The following ZNF544 variants were observed in gnomAD, a reference collection of about 807,000 sequenced individuals.
The protein encoded by ZNF544 is zinc finger protein AF020591.
Under a neutral mutation model 13.5 loss-of-function variants are expected in ZNF544, and 10 were observed. The observed-to-expected ratio is 0.74, with a 90% CI of 0.46 to 1.25. The LOEUF (loss-of-function observed/expected upper bound fraction) is 1.25. Ranked by LOEUF, ZNF544 falls within the 50% of genes most tolerant of loss-of-function variation. ZNF544 has a pLI of 0.00. For synonymous variants in ZNF544, 323 were observed against 300.5 expected (o/e 1.07, Z -0.77); for missense variants, 896 against 845.6 (o/e 1.06, Z -0.74).
Position 58,260,919 on chromosome 19 carries a change from C to T in ZNF544, c.313C>T (p.His105Tyr). ...EKDRAREELS[H>Y]HVEVYRSGPE... ...AGATCGAGCTAGGGAAGAACTATCCCACCACGTGGAAGTGTACAGGAGTGG... is the reference window on the plus strand; with the variant it reads ...AGATCGAGCTAGGGAAGAACTATCCTACCACGTGGAAGTGTACAGGAGTGG... The change falls in exon 7 of 7, where the codon CAC becomes TAC. Residue 105 changes from histidine (H) to tyrosine (Y), a missense_variant. Transcript: ENST00000687789. 1 of 1,613,986 alleles carries T rather than the reference C, an allele frequency of 6.2e-7. No individual in the cohort carries two copies. The highest frequency in any genetic ancestry group is 8.5e-7 in the Non-Finnish European group (1 of 1,179,988).
At chr19:58,252,408 A>G (rs981827118) in intron 6 of ZNF544, among the ~76,000 whole-genome samples, 12 of 152,178 alleles carry the variant, frequency 7.9e-5, no homozygotes, top group Non-Finnish European at 1.5e-4. Context: ...AGAATTTACC[A>G]TACAGGATCC....
chr19:58,269,925 CAG>C (rs200962561), intron 5 of ZNF544, among the ~76,000 whole-genome samples: 1,974 of 152,134 alleles, frequency 0.013, 22 homozygotes, highest in South Asian at 0.018. Context: ...TGTCTCAAAA[CAG>C]AGCAAATGGC....
At chr19:58,250,970 G>A (rs568265315) in intron 6 of ZNF544, among the ~76,000 whole-genome samples, 1 of 152,302 alleles carries the variant, frequency 6.6e-6, no homozygotes, top group South Asian at 2.1e-4. Context: ...GTGAAGCTCT[G>A]TTGTAAAATA....
At chr19:58,238,000 T>C (rs1018668722) in intron 3 of ZNF544, among the ~76,000 whole-genome samples, 1 of 152,230 alleles carries the variant, frequency 6.6e-6, no homozygotes, top group African/African-American at 2.4e-5. Flanking sequence ...TGGCACGATC[T>C]CAGCTCACTG....
intron 6 of ZNF544, among the ~76,000 whole-genome samples, chr19:58,252,853 C>G (rs1372539807): frequency 6.6e-6 from 1 of 152,186 alleles, no homozygotes; most frequent in African/African-American, 2.4e-5. Context: ...CGGAGTCTTG[C>G]TCTGTCACCA....
chr19:58,273,096 G>A (rs1205164862), intron 5 of ZNF544, among the ~76,000 whole-genome samples: 3 of 150,472 alleles, frequency 2.0e-5, no homozygotes, highest in East Asian at 4.0e-4. Flanking sequence ...CAGGAGAATC[G>A]CTTGAACCCA....
chr19:58,232,346 C>CTTTTT (rs71190011), intron 3 of ZNF544, among the ~76,000 whole-genome samples: 1 of 75,230 alleles, frequency 1.3e-5, no homozygotes, highest in Non-Finnish European at 2.4e-5. Context: ...ACAATTTTAT[C>CTTTTT]TTTTTTTTTT....
Position 58,228,948 on chromosome 19 carries a change from T to G in ZNF544, c.-232+2T>G, listed in dbSNP as rs1600175358. On this transcript the variant is annotated splice_donor_variant, in intron 1 of 6. Transcript: ENST00000687789. LOFTEE classifies it low-confidence loss of function (5UTR_SPLICE). ...ACCGCCATTGGCCGGTGCGTGCAGG[T>G]GAGTCTGGCGGCCTCAAGGTTGGCT... 3 of 152,414 alleles carry G rather than the reference T, an allele frequency of 2.0e-5. No individual in the cohort carries two copies. The East Asian group carries it at 5.8e-4, about 30-fold the overall frequency. The allele number at this position is 152,414 out of a possible 1,614,324, so 9.4% of individuals were successfully genotyped here.
chr19:58,241,179 ATT>A (rs57421577), intron 3 of ZNF544, among the ~76,000 whole-genome samples: 3 of 72,764 alleles, frequency 4.1e-5, no homozygotes, highest in Admixed American at 3.5e-4. Context: ...ATATATATAT[ATT>A]TTTTTTTTTT....
intron 3 of ZNF544, 28 bp from the exon 4 acceptor site, chr19:58,243,937 C>T: frequency 6.6e-7 from 1 of 1,518,148 alleles, no homozygotes; most frequent in Non-Finnish European, 8.9e-7. Context: ...AGCCGAGGGG[C>T]TGAATCTCTG....
Position 58,246,645 on chromosome 19 carries a change from T to G in ZNF544, c.161-66T>G. 13 of 1,582,866 alleles carry G rather than the reference T, an allele frequency of 8.2e-6. No individual in the cohort carries two copies. In the Admixed American group the frequency reaches 1.4e-4, roughly 17 times the overall value. ...TCGGGACAGCACTAGGGGCTGAAGCTTGGACCCAGGACATGGTTCTTGGTG... is the reference window on the plus strand; with the variant it reads ...TCGGGACAGCACTAGGGGCTGAAGCGTGGACCCAGGACATGGTTCTTGGTG... On this transcript the variant is annotated intron_variant, in intron 5 of 6. Transcript: ENST00000687789.
At chr19:58,236,066 A>T (rs1199327026) in intron 3 of ZNF544, among the ~76,000 whole-genome samples, 1 of 149,410 alleles carries the variant, frequency 6.7e-6, no homozygotes, top group Admixed American at 6.7e-5. Context: ...GTCTCAAAAA[A>T]AAAACAAAAA....
rs1428069098 is a variant in ZNF544, at chr19:58,229,581, C to T, written c.-129+11C>T. 6.6e-6 allele frequency: 1 copy of T among 152,280 alleles called. No homozygotes were observed. The highest frequency in any genetic ancestry group is 1.5e-5 in the Non-Finnish European group (1 of 68,122). 9.4% of individuals were successfully genotyped at this position (152,280 alleles called of 1,614,324 possible). On this transcript the variant is annotated intron_variant, in intron 2 of 6. Transcript: ENST00000687789. ...CATTTTCTTCCAATGGTACGTGAAG[C>T]TTGAACCTTGCAGAGAACATGTGTA... is the stretch of plus-strand genomic sequence containing the variant.
At chr19:58,244,268 A>C (rs2044571840) in intron 4 of ZNF544, among the ~76,000 whole-genome samples, 1 of 151,880 alleles carries the variant, frequency 6.6e-6, no homozygotes, top group Non-Finnish European at 1.5e-5. Flanking sequence ...ACCCAGCGCA[A>C]GTCTCCCATG....
Position 58,261,115 on chromosome 19 carries a change from C to T in ZNF544, c.509C>T (p.Thr170Ile). 1 of 1,614,152 alleles carries T rather than the reference C, an allele frequency of 6.2e-7. No homozygotes were observed. The highest frequency in any genetic ancestry group is 8.5e-7 in the Non-Finnish European group (1 of 1,180,042). Residue 170 changes from threonine to isoleucine, a missense_variant, in exon 7 of 7, where the codon ACT (threonine) becomes ATT (isoleucine). Thr to Ile is a moderately conservative substitution (Grantham distance 89). Transcript: ENST00000687789. ...GGGGGAGGTTATTCTCTACCTTCTA[C>T]TTTAAGCCTTCTACCTACAACATTA... ...ELGGGYSLPSTLSLLPTTLPT... is the reference protein window; with the variant it reads ...ELGGGYSLPSILSLLPTTLPT...
chr19:58,247,881 T>G (rs2147142454), intron 6 of ZNF544, among the ~76,000 whole-genome samples: 1 of 152,232 alleles, frequency 6.6e-6, no homozygotes, highest in East Asian at 1.9e-4. Flanking sequence ...ATTTGTATTG[T>G]ACATCTGTTA....
At position 58,260,923 on chromosome 19, in the gene ZNF544, A is replaced by T; in HGVS notation, c.317A>T (p.His106Leu). 1 of 1,614,014 alleles carries T rather than the reference A, an allele frequency of 6.2e-7. No homozygotes were observed. Among genetic ancestry groups the T allele is most frequent in the Non-Finnish European group, 8.5e-7 (1 of 1,179,988 alleles). Reference sequence around the variant, plus strand: ...CGAGCTAGGGAAGAACTATCCCACCACGTGGAAGTGTACAGGAGTGGACCG... The same window carrying T: ...CGAGCTAGGGAAGAACTATCCCACCTCGTGGAAGTGTACAGGAGTGGACCG... ...KDRAREELSHHVEVYRSGPEE... is the reference protein window; with the variant it reads ...KDRAREELSHLVEVYRSGPEE... The change falls in exon 7 of 7, where the codon CAC becomes CTC. Residue 106 changes from histidine to leucine, a missense_variant. His to Leu is a moderately conservative substitution (Grantham distance 99). Coordinates refer to ENST00000687789, the MANE Select transcript of ZNF544 (RefSeq NM_014480.4).
At chr19:58,242,249 C>G (rs877796) in intron 3 of ZNF544, 1 of 984,954 alleles carries the variant, frequency 1.0e-6, no homozygotes, top group Non-Finnish European at 1.2e-6. Flanking sequence ...TCCCCAGCAC[C>G]GCAACATCTG....
chr19:58,230,933 A>G (rs1461298938), intron 3 of ZNF544, among the ~76,000 whole-genome samples: 1 of 152,128 alleles, frequency 6.6e-6, no homozygotes, highest in Admixed American at 6.5e-5. Context: ...GGAGTGAATT[A>G]AAAGGCCGAT....
Sources: gnomAD v4.1 joint callset for allele counts (sites outside exome capture counted in the v4.1 genomes callset) on GRCh38, gnomAD v4.1.1 for gene constraint, MANE v1.5 for transcripts, NCBI Gene and HGNC (gene_info 2026-07-23, HGNC 2026-07-21) for gene names.